Variants in TEKT5 observed in about 807,000 individuals in gnomAD.
TEKT5 encodes the protein tektin 5.
A neutral mutation model predicts 48.7 loss-of-function variants in TEKT5; 52 were observed. The observed-to-expected ratio is 1.07, with a 90% CI of 0.86 to 1.35. The LOEUF (loss-of-function observed/expected upper bound fraction) is 1.35, where lower values mean the gene tolerates loss of function less well. TEKT5 is among the 40% of genes most tolerant of loss of function. The pLI, the probability that TEKT5 is intolerant of heterozygous loss-of-function variation, is 0.00. For missense variants in TEKT5, 831 were observed against 641.6 expected (o/e 1.30, Z -3.19); for synonymous variants, 318 against 267.6 (o/e 1.19, Z -1.84).
chr16:10,652,028 T>G (rs1898167646), intron 5 of TEKT5, among the ~76,000 whole-genome samples: 1 of 132,194 alleles, frequency 7.6e-6, no homozygotes, highest in East Asian at 3.0e-4. Flanking sequence ...CTCGAGCACA[T>G]CCAAGCTGGG....
rs2719710 is a variant in TEKT5, at chr16:10,676,101, T to A, written c.944A>T (p.Gln315Leu). 6.2e-7 allele frequency: 1 copy of A among 1,614,002 alleles called. No individual in the cohort carries two copies. The highest frequency in any genetic ancestry group is 1.1e-5 in the South Asian group (1 of 91,072). ...GAGGTGCTCCGCCTCCTCCCGCAGC[T>A]GGATGGAGTTGGCCCGCATGTTCTG... ...HSQNMRANSI[Q>L]LREEAEHLFE... The change falls in exon 5 of 7, where the codon CAG (glutamine) becomes CTG (leucine). Residue 315 changes from glutamine to leucine, a missense_variant. By Grantham distance (113) the Gln-to-Leu change is moderately radical (BLOSUM62 -2). Coordinates refer to ENST00000283025, the MANE Select transcript of TEKT5 (RefSeq NM_144674.2).
At chr16:10,652,192 A>G (rs187993597) in intron 5 of TEKT5, among the ~76,000 whole-genome samples, 1 of 152,216 alleles carries the variant, frequency 6.6e-6, no homozygotes, top group African/African-American at 2.4e-5. Flanking sequence ...CGAAAACCTT[A>G]GCAAGTATGG....
rs1350659170 is a variant in TEKT5 at position 10,642,132 on chromosome 16, T to C, written c.1087-6214A>G. 2.0e-5 allele frequency among the ~76,000 whole-genome samples: 3 copies of C among 152,184 alleles called. No individual in the cohort carries two copies. In the East Asian group the frequency reaches 5.8e-4, roughly 29 times the overall value. On this transcript the variant is annotated intron_variant, in intron 5 of 6. Transcript: ENST00000283025. ...TCTTGCAGTATGAGTACATGACACA[T>C]GTCTTATCTTTTGTGTTCTAGAGCT...
At chr16:10,663,888 C>T (rs1018086786) in intron 5 of TEKT5, among the ~76,000 whole-genome samples, 1 of 152,212 alleles carries the variant, frequency 6.6e-6, no homozygotes, top group Non-Finnish European at 1.5e-5. Flanking sequence ...TGCTCGCAGC[C>T]GTTTCTCTCA....
At chr16:10,686,272 A>T (rs750407627) in intron 3 of TEKT5, among the ~76,000 whole-genome samples, 1 of 152,092 alleles carries the variant, frequency 6.6e-6, no homozygotes, top group African/African-American at 2.4e-5. Context: ...CCTATCTCAC[A>T]CTGCAGACAA....
At chr16:10,639,742 G>C (rs1897963970) in intron 5 of TEKT5, among the ~76,000 whole-genome samples, 1 of 152,182 alleles carries the variant, frequency 6.6e-6, no homozygotes. Context: ...CATAAGCAAA[G>C]GTTTGTGTCT....
chr16:10,661,316 G>T (rs1318061476), intron 5 of TEKT5, among the ~76,000 whole-genome samples: 1 of 152,130 alleles, frequency 6.6e-6, no homozygotes, highest in Non-Finnish European at 1.5e-5. Context: ...TGTGTTCAGA[G>T]AACAATTTCT....
chr16:10,651,807 A>C lies in TEKT5; in HGVS notation c.1087-15889T>G, dbSNP rs557279228. On this transcript the variant is annotated intron_variant, in intron 5 of 6. Transcript: ENST00000283025. ...AAACCCCGTCTCTACTAAAAATACA[A>C]AAAAATTAGCCAGGTGTGGTGGCAG... Among the ~76,000 whole-genome samples the C allele has an allele frequency of 9.9e-5, 15 of 152,120 alleles. No homozygotes were observed. In the South Asian group the frequency reaches 1.9e-3, roughly 19 times the overall value.
intron 1 of TEKT5, among the ~76,000 whole-genome samples, chr16:10,693,335 T>A (rs1011369487): frequency 2.6e-5 from 4 of 152,208 alleles, no homozygotes; most frequent in Admixed American, 6.5e-5. Flanking sequence ...CCTCAGGTGA[T>A]CCACCTGCCC....
chr16:10,669,623 G>C (rs1042516113), intron 5 of TEKT5, among the ~76,000 whole-genome samples: 2 of 152,082 alleles, frequency 1.3e-5, no homozygotes, highest in Non-Finnish European at 2.9e-5. Context: ...TATTTCACCT[G>C]CCAGGGTCTA....
At chr16:10,689,521 CTT>C (rs35713504) in intron 2 of TEKT5, among the ~76,000 whole-genome samples, 198 bp from the exon 3 acceptor site, 26,827 of 105,412 alleles carry the variant, frequency 0.25, 3,288 homozygotes, top group East Asian at 0.64. Flanking sequence ...GAGGCTCCAC[CTT>C]TTTTTTTTTT....
intron 3 of TEKT5, among the ~76,000 whole-genome samples, chr16:10,682,903 T>C (rs1430690999): frequency 1.3e-5 from 2 of 152,212 alleles, no homozygotes; most frequent in Non-Finnish European, 2.9e-5. Context: ...GCAAGTCAAA[T>C]CACTTTGTAA....
At chr16:10,693,817 A>G (rs1332819225) in intron 1 of TEKT5, among the ~76,000 whole-genome samples, 4 of 152,158 alleles carry the variant, frequency 2.6e-5, no homozygotes, top group African/African-American at 9.7e-5. Context: ...TAAAAATACA[A>G]AAATTAGCTG....
chr16:10,690,550 C>T (rs1898952844), intron 1 of TEKT5: 7 of 983,820 alleles, frequency 7.1e-6, no homozygotes, highest in South Asian at 4.7e-5. Context: ...CAGGTGAAGT[C>T]GGCTTGACAA....
chr16:10,660,510 G>C (rs1018701656), intron 5 of TEKT5, among the ~76,000 whole-genome samples: 4 of 152,060 alleles, frequency 2.6e-5, no homozygotes, highest in Non-Finnish European at 5.9e-5. Flanking sequence ...CAGAACCCCT[G>C]ACTGCTCTGA....
At chr16:10,689,354 C>G (rs371117453) in intron 2 of TEKT5, 31 bp from the exon 3 acceptor site, 26 of 1,559,588 alleles carry the variant, frequency 1.7e-5, no homozygotes, top group Middle Eastern at 1.7e-4. Context: ...AAGAGCAGTG[C>G]CTCTTAGAAC....
chr16:10,645,259 A>C lies in TEKT5; in HGVS notation c.1087-9341T>G, dbSNP rs150210895. Reference sequence around the variant, plus strand: ...CACAATGGCTCACACCTATAATCCTAAACACTTTGAGAGGCTGAGGTGGGA... The same window carrying C: ...CACAATGGCTCACACCTATAATCCTCAACACTTTGAGAGGCTGAGGTGGGA... On this transcript the variant is annotated intron_variant, in intron 5 of 6. Transcript: ENST00000283025. 1.1e-3 allele frequency among the ~76,000 whole-genome samples: 163 copies of C among 152,288 alleles called. 1 individual carries two copies. The highest frequency in any genetic ancestry group is 3.8e-3 in the African/African-American group (159 of 41,562).
At chr16:10,682,878 T>C (rs1049714622) in intron 3 of TEKT5, among the ~76,000 whole-genome samples, 11 of 152,240 alleles carry the variant, frequency 7.2e-5, no homozygotes, top group Non-Finnish European at 1.0e-4. Context: ...ATCCACACTT[T>C]GGACAAAGCC....
At chr16:10,630,532 A>G (rs1897824318) in intron 6 of TEKT5, among the ~76,000 whole-genome samples, 1 of 152,218 alleles carries the variant, frequency 6.6e-6, no homozygotes, top group Non-Finnish European at 1.5e-5. Context: ...AAGAAAGATA[A>G]GACTTAGCTG....
Sources: gnomAD v4.1 joint callset for allele counts (sites outside exome capture counted in the v4.1 genomes callset) on GRCh38, gnomAD v4.1.1 for gene constraint, MANE v1.5 for transcripts, NCBI Gene and HGNC (gene_info 2026-07-23, HGNC 2026-07-21) for gene names.